The following PAG1 variants were observed in gnomAD, a reference collection of about 807,000 sequenced individuals.
PAG1 encodes the protein phosphoprotein membrane anchor with glycosphingolipid microdomains 1.
In PAG1, 23 loss-of-function variants were observed where a neutral mutation model predicts 31.7. That is an observed-to-expected ratio of 0.73 (90% confidence interval 0.52 to 1.03). PAG1 has a LOEUF of 1.03. PAG1 is among the 50% of genes least tolerant of loss of function. The pLI, the probability that PAG1 is intolerant of heterozygous loss-of-function variation, is 0.00. For synonymous variants in PAG1, 214 were observed against 210.3 expected, an observed-to-expected ratio of 1.02 and a Z score of -0.15; for missense variants, 473 against 540.7, an observed-to-expected ratio of 0.87 and a Z score of 1.24.
At chr8:81,016,031 A>C (rs1563630370) in intron 3 of PAG1, among the ~76,000 whole-genome samples, 1 of 152,192 alleles carries the variant, frequency 6.6e-6, no homozygotes, top group Non-Finnish European at 1.5e-5. Context: ...GATGATGAGA[A>C]GGTGGTCATC....
chr8:81,075,590 T>C (rs1563421255), intron 1 of PAG1, among the ~76,000 whole-genome samples: 1 of 152,236 alleles, frequency 6.6e-6, no homozygotes, highest in African/African-American at 2.4e-5. Context: ...TATCCTCATC[T>C]TACTTAATGC....
Sources: allele counts gnomAD v4.1 joint callset (sites outside exome capture counted in the v4.1 genomes callset), GRCh38; gene constraint gnomAD v4.1.1; transcripts MANE v1.5; gene names NCBI Gene and HGNC (gene_info 2026-07-23, HGNC 2026-07-21).